LHFPL2: variants seen among roughly 807,000 people sequenced by gnomAD.
LHFPL2 encodes the protein LHFPL tetraspan subfamily member 2 protein.
LHFPL2 carries 7 observed loss-of-function variants against 17.5 expected under a neutral mutation model. That is an observed-to-expected ratio of 0.40 (90% CI 0.23 to 0.75). The LOEUF is 0.75. Among genes scored for constraint, LHFPL2 ranks in the 30% least tolerant of loss-of-function variants. LHFPL2 has a pLI of 0.37. For synonymous variants in LHFPL2, 134 were observed against 116.2 expected (o/e 1.15, Z -0.99); for missense variants, 241 against 294.8 (o/e 0.82, Z 1.34).
At position 78,566,765 on chromosome 5, in the gene LHFPL2, G is replaced by T. The variant is rs529270586; in HGVS notation, c.-244-1894C>A. 3.3e-5 allele frequency among the ~76,000 whole-genome samples: 5 copies of T among 152,322 alleles called. No individual in the cohort carries two copies. The East Asian group carries it at 9.7e-4, about 29-fold the overall frequency. The stretch of plus-strand genomic sequence containing the variant: ...GAGCCACTGCGCCCGGCGAAACGAT[G>T]ACTTTTTAAAAATGGTTCTTTGTTA... On this transcript the variant is annotated intron_variant, in intron 2 of 4. Coordinates refer to ENST00000380345, the MANE Select transcript of LHFPL2 (RefSeq NM_005779.3).
At chr5:78,600,492 GCTGAGGCAGGTGGATAAC>G (rs1743974380) in intron 2 of LHFPL2, among the ~76,000 whole-genome samples, 1 of 152,172 alleles carries the variant, frequency 6.6e-6, no homozygotes, top group Non-Finnish European at 1.5e-5. Context: ...ACTTTGGGAG[GCTGAGGCAGGTGGATAAC>G]CTGAGGTCAG....
At position 78,646,328 on chromosome 5, in the gene LHFPL2, G is replaced by A. The variant is rs1395083239; in HGVS notation, c.-350+2171C>T. Among the ~76,000 whole-genome samples the A allele has an allele frequency of 2.0e-5, 3 of 152,216 alleles. No homozygotes were observed. In the East Asian group the frequency reaches 5.8e-4, roughly 29 times the overall value. On this transcript the variant is annotated intron_variant, in intron 1 of 4. Transcript: ENST00000380345. ...ACTGACTCTAAAACCAGGTATCTCT[G>A]CATTATAGCTGTTTAACAGGCACCA... is the stretch of plus-strand genomic sequence containing the variant.
At position 78,488,651 on chromosome 5, in the gene LHFPL2, T is replaced by G; in HGVS notation, c.*246A>C. 1 of 498,244 alleles carries G rather than the reference T, an allele frequency of 2.0e-6. No individual in the cohort carries two copies. Among genetic ancestry groups the G allele is most frequent in the East Asian group, 3.5e-5 (1 of 28,324 alleles). 30.9% of individuals were successfully genotyped at this position (498,244 alleles called of 1,614,324 possible). A position where few individuals can be genotyped will look rare whatever the true frequency, so the allele number is the denominator to read the frequency against. The stretch of plus-strand genomic sequence containing the variant: ...TGGGGGAGATGGAGTCTGACAGAAC[T>G]TGGCAACTCCAGGTCTAGGATTATA... On this transcript the variant is annotated 3_prime_UTR_variant, in exon 5 of 5. Coordinates refer to ENST00000380345, the MANE Select transcript of LHFPL2 (RefSeq NM_005779.3).
At chr5:78,538,718 C>T (rs1475194900) in intron 3 of LHFPL2, among the ~76,000 whole-genome samples, 1 of 152,226 alleles carries the variant, frequency 6.6e-6, no homozygotes, top group Non-Finnish European at 1.5e-5. Flanking sequence ...AGAAGCCACA[C>T]CTGCACGGGC....
At chr5:78,594,249 T>G (rs1401174763) in intron 2 of LHFPL2, among the ~76,000 whole-genome samples, 1 of 152,192 alleles carries the variant, frequency 6.6e-6, no homozygotes, top group Non-Finnish European at 1.5e-5. Flanking sequence ...ATGTAGCATG[T>G]TAACTCTGTT....
chr5:78,567,165 C>G (rs1008504118), intron 2 of LHFPL2, among the ~76,000 whole-genome samples: 10 of 152,152 alleles, frequency 6.6e-5, no homozygotes, highest in African/African-American at 2.4e-4. Context: ...TTCACACTGA[C>G]AGTAAAAAGC....
At chr5:78,551,549 GCTATT>G (rs1756442123) in intron 3 of LHFPL2, among the ~76,000 whole-genome samples, 1 of 152,148 alleles carries the variant, frequency 6.6e-6, no homozygotes, top group African/African-American at 2.4e-5. Flanking sequence ...TAACAAGGTA[GCTATT>G]CAATCAGAAA....
chr5:78,602,589 C>T (rs1310655671), intron 2 of LHFPL2, among the ~76,000 whole-genome samples: 1 of 152,114 alleles, frequency 6.6e-6, no homozygotes, highest in East Asian at 1.9e-4. Flanking sequence ...TCACAGGGAC[C>T]CTTCACCATC....
chr5:78,611,183 G>A (rs369754489), intron 2 of LHFPL2, among the ~76,000 whole-genome samples: 1 of 152,312 alleles, frequency 6.6e-6, no homozygotes, highest in African/African-American at 2.4e-5. Context: ...CCCTGCTGTG[G>A]GAGAGCTGAC....
intron 4 of LHFPL2, among the ~76,000 whole-genome samples, chr5:78,506,264 A>G (rs188134739): frequency 7.9e-5 from 12 of 152,320 alleles, no homozygotes; most frequent in Admixed American, 4.6e-4. Context: ...TGGCCTATTT[A>G]TATCTTAAAA....
rs1019351691 is a variant in LHFPL2, at chr5:78,617,858, T to C, written c.-245+14406A>G. On this transcript the variant is annotated intron_variant, in intron 2 of 4. Transcript: ENST00000380345. Reference sequence around the variant, plus strand: ...TTTGATAGACTATGCCAAAGAGGCATTAAAGTCTGCAGAGTGGGGCAAAAC... The same window carrying C: ...TTTGATAGACTATGCCAAAGAGGCACTAAAGTCTGCAGAGTGGGGCAAAAC... Among the ~76,000 whole-genome samples the C allele has an allele frequency of 3.9e-5, 6 of 152,230 alleles. No homozygotes were observed. In the South Asian group the frequency reaches 1.0e-3, roughly 26 times the overall value.
At chr5:78,628,716 A>G (rs1330246380) in intron 2 of LHFPL2, among the ~76,000 whole-genome samples, 1 of 152,240 alleles carries the variant, frequency 6.6e-6, no homozygotes, top group Non-Finnish European at 1.5e-5. Context: ...GGGAACAAGG[A>G]GAATGAGAAC....
At chr5:78,535,095 C>T (rs1426409875) in intron 3 of LHFPL2, among the ~76,000 whole-genome samples, 1 of 152,196 alleles carries the variant, frequency 6.6e-6, no homozygotes, top group East Asian at 1.9e-4. Flanking sequence ...AGAACTGGTT[C>T]CATTACATTT....
intron 2 of LHFPL2, among the ~76,000 whole-genome samples, chr5:78,585,479 G>A (rs1395023065): frequency 6.6e-6 from 1 of 152,164 alleles, no homozygotes; most frequent in Non-Finnish European, 1.5e-5. Context: ...CGCACAGTGT[G>A]TGCACCCACT....
intron 2 of LHFPL2, among the ~76,000 whole-genome samples, chr5:78,596,039 A>C (rs1743811071): frequency 6.6e-6 from 1 of 152,244 alleles, no homozygotes; most frequent in African/African-American, 2.4e-5. Context: ...GAAATATGAA[A>C]GTCAAAACAT....
chr5:78,581,428 T>C (rs373818931), intron 2 of LHFPL2, among the ~76,000 whole-genome samples: 1 of 152,182 alleles, frequency 6.6e-6, no homozygotes, highest in Admixed American at 6.5e-5. Flanking sequence ...GGCTGTGGGT[T>C]TGTCATAGAT....
intron 1 of LHFPL2, 77 bp from the exon 2 acceptor site, chr5:78,632,445 G>A (rs1580876333): frequency 6.6e-6 from 1 of 152,206 alleles, no homozygotes; most frequent in Non-Finnish European, 1.5e-5. Flanking sequence ...ACAGAAACCT[G>A]CAGTCTATGG....
intron 2 of LHFPL2, among the ~76,000 whole-genome samples, chr5:78,582,768 T>C (rs1743195295): frequency 1.3e-5 from 2 of 152,184 alleles, no homozygotes; most frequent in African/African-American, 4.8e-5. Flanking sequence ...TTCTGTTGAT[T>C]TGGGGTGTAG....
At chr5:78,593,153 G>T (rs1427290824) in intron 2 of LHFPL2, among the ~76,000 whole-genome samples, 1 of 152,036 alleles carries the variant, frequency 6.6e-6, no homozygotes, top group African/African-American at 2.4e-5. Context: ...TGACATTCAC[G>T]GGGGGCGAAA....
Sources: allele counts gnomAD v4.1 joint callset (sites outside exome capture counted in the v4.1 genomes callset), GRCh38; gene constraint gnomAD v4.1.1; transcripts MANE v1.5; gene names NCBI Gene and HGNC (gene_info 2026-07-23, HGNC 2026-07-21).